Variants in KCNC2 observed in about 807,000 individuals in gnomAD.
KCNC2 encodes the protein potassium voltage-gated channel subfamily C member 2.
A neutral mutation model predicts 44.5 loss-of-function variants in KCNC2; 21 were observed. The ratio of observed to expected loss-of-function variants is 0.47; its 90% confidence interval spans 0.33 to 0.68. The LOEUF (loss-of-function observed/expected upper bound fraction) is 0.68. Ranked by LOEUF, KCNC2 falls within the 30% of genes least tolerant of loss-of-function variation. The pLI is 0.01. For synonymous variants in KCNC2, 391 were observed against 339.1 expected, an observed-to-expected ratio of 1.15 and a Z score of -1.68; for missense variants, 589 against 826.2, an observed-to-expected ratio of 0.71 and a Z score of 3.52.
At chr12:75,151,664 G>T (rs1218877302) in intron 2 of KCNC2, among the ~76,000 whole-genome samples, 1 of 151,416 alleles carries the variant, frequency 6.6e-6, no homozygotes, top group Non-Finnish European at 1.5e-5. Context: ...GAAATTATTG[G>T]AATTATCATC....
At chr12:75,196,382 A>G (rs896999668) in intron 2 of KCNC2, among the ~76,000 whole-genome samples, 8 of 152,144 alleles carry the variant, frequency 5.3e-5, no homozygotes, top group African/African-American at 1.9e-4. Flanking sequence ...TTCTTCATGA[A>G]CATTCTAAAC....
chr12:75,140,391 A>G (rs1889559091), intron 2 of KCNC2, among the ~76,000 whole-genome samples: 3 of 152,204 alleles, frequency 2.0e-5, no homozygotes, highest in African/African-American at 7.2e-5. Context: ...CAATCTATCA[A>G]ATGTGTATGA....
intron 2 of KCNC2, among the ~76,000 whole-genome samples, chr12:75,157,349 G>A (rs1288231350): frequency 7.9e-5 from 12 of 151,906 alleles, no homozygotes. Context: ...TGAGGAAAAG[G>A]CTAAAAGAAT....
At chr12:75,170,946 G>C (rs1015587775) in intron 2 of KCNC2, among the ~76,000 whole-genome samples, 6 of 151,716 alleles carry the variant, frequency 4.0e-5, no homozygotes, top group African/African-American at 1.5e-4. Flanking sequence ...TCAGAATTTT[G>C]TTCCTTGAAG....
intron 2 of KCNC2, among the ~76,000 whole-genome samples, chr12:75,138,887 A>C (rs944765999): frequency 2.7e-5 from 4 of 148,782 alleles, no homozygotes; most frequent in Non-Finnish European, 5.9e-5. Flanking sequence ...AGGCTGAGTC[A>C]GGAGAATGGC....
At chr12:75,107,160 TG>T (rs926655514) in intron 2 of KCNC2, among the ~76,000 whole-genome samples, 2 of 151,984 alleles carry the variant, frequency 1.3e-5, no homozygotes, top group African/African-American at 4.8e-5. Context: ...AAAAATTAGC[TG>T]GGTGTGGTGT....
chr12:75,204,176 C>G (rs959693439), intron 2 of KCNC2, among the ~76,000 whole-genome samples: 2 of 151,798 alleles, frequency 1.3e-5, no homozygotes, highest in Non-Finnish European at 2.9e-5. Context: ...TTTTTGAATA[C>G]TATTCTTAAG....
At chr12:75,115,114 G>C (rs2446335) in intron 2 of KCNC2, among the ~76,000 whole-genome samples, 95,244 of 151,644 alleles carry the variant, frequency 0.63, 32,414 homozygotes, top group African/African-American at 0.9. Context: ...CCACCCGCCT[G>C]GGCCTCCCAA....
chr12:75,087,129 A>G (rs568608916), intron 2 of KCNC2, among the ~76,000 whole-genome samples: 2 of 152,260 alleles, frequency 1.3e-5, no homozygotes, highest in Non-Finnish European at 2.9e-5. Flanking sequence ...AATTCCATAA[A>G]GATAGAAATT....
intron 2 of KCNC2, among the ~76,000 whole-genome samples, chr12:75,166,340 T>C (rs1487971813): frequency 6.7e-6 from 1 of 150,326 alleles, no homozygotes; most frequent in East Asian, 2.0e-4. Context: ...AAGGAAGAAA[T>C]AGATAATTCA....
intron 2 of KCNC2, chr12:75,124,075 G>A (rs932990751): frequency 7.2e-5 from 11 of 152,158 alleles, no homozygotes; most frequent in Admixed American, 2.0e-4. Flanking sequence ...TCTGTGTTCA[G>A]GGTTTGGTTC....
At chr12:75,165,512 T>C (rs534985709) in intron 2 of KCNC2, among the ~76,000 whole-genome samples, 2 of 151,656 alleles carry the variant, frequency 1.3e-5, no homozygotes, top group East Asian at 3.9e-4. Context: ...TATAGATTCT[T>C]ACTGATAAAT....
intron 2 of KCNC2, among the ~76,000 whole-genome samples, chr12:75,198,367 G>C (rs1224792766): frequency 6.6e-6 from 1 of 151,748 alleles, no homozygotes; most frequent in Non-Finnish European, 1.5e-5. Flanking sequence ...AAAAATTAAA[G>C]ATAACTGCTA....
In KCNC2 at chr12:75,041,909, GA is replaced by G. The variant is rs1879947391; in HGVS notation, c.*1195del. 1 of 994,526 alleles carries G rather than the reference GA, an allele frequency of 1.0e-6. No homozygotes were observed. The highest frequency in any genetic ancestry group is 1.2e-6 in the Non-Finnish European group (1 of 836,264). 61.6% of individuals were successfully genotyped at this position (994,526 alleles called of 1,614,324 possible). ...ATATTAAAATCATAAACATCTTACA[GA>G]GGCATTTCTGTGCTTCATGGAGACA... On this transcript the variant is annotated 3_prime_UTR_variant, in exon 5 of 5. Coordinates refer to ENST00000549446, the MANE Select transcript of KCNC2 (RefSeq NM_139137.4).
chr12:75,049,043 C>T (rs897369835), intron 3 of KCNC2, among the ~76,000 whole-genome samples: 1 of 152,080 alleles, frequency 6.6e-6, no homozygotes, highest in African/African-American at 2.4e-5. Flanking sequence ...TGCATAGATA[C>T]TTGAGAATAG....
Position 75,194,005 on chromosome 12 carries a change from G to T in KCNC2, c.687+13292C>A, listed in dbSNP as rs143427566. Among the ~76,000 whole-genome samples, 566 of 151,912 alleles carry T rather than the reference G, an allele frequency of 3.7e-3. 1 individual carries two copies. The highest frequency in any genetic ancestry group is 0.013 in the African/African-American group (532 of 41,412). ...TAGTATCTTCAGAAAGATTCACAAA[G>T]ACATTATAGTCATTAAGATACAACA... On this transcript the variant is annotated intron_variant, in intron 2 of 4. Transcript: ENST00000549446.
chr12:75,169,770 A>C (rs560666603), intron 2 of KCNC2, among the ~76,000 whole-genome samples: 27 of 151,666 alleles, frequency 1.8e-4, no homozygotes, highest in Admixed American at 6.6e-4. Flanking sequence ...CTATTAATAA[A>C]AGATAAAGTG....
intron 2 of KCNC2, among the ~76,000 whole-genome samples, chr12:75,141,337 C>T (rs190606395): frequency 4.6e-5 from 7 of 152,280 alleles, no homozygotes; most frequent in African/African-American, 1.7e-4. Flanking sequence ...ACCTCTGCAA[C>T]ATTAGATTAT....
intron 2 of KCNC2, among the ~76,000 whole-genome samples, chr12:75,130,702 A>AT (rs1258329790): frequency 1.3e-5 from 2 of 151,838 alleles, no homozygotes; most frequent in Non-Finnish European, 1.5e-5. Flanking sequence ...GAGGACAAGG[A>AT]TTTTTTATTT....
Sources: gnomAD v4.1 joint callset for allele counts (sites outside exome capture counted in the v4.1 genomes callset) on GRCh38, gnomAD v4.1.1 for gene constraint, MANE v1.5 for transcripts, NCBI Gene and HGNC (gene_info 2026-07-23, HGNC 2026-07-21) for gene names.